The following XKR9 variants were observed in gnomAD, a reference collection of about 807,000 sequenced individuals.
XKR9 encodes XK-related protein 9.
A neutral mutation model predicts 32.0 loss-of-function variants in XKR9; 32 were observed. The ratio of observed to expected loss-of-function variants is 1.00; its 90% CI spans 0.76 to 1.34. The LOEUF (loss-of-function observed/expected upper bound fraction) is 1.34, where lower values mean the gene tolerates loss of function less well. XKR9 is among the 40% of genes most tolerant of loss of function. The pLI, the probability that XKR9 is intolerant of heterozygous loss-of-function variation, is 0.00. For synonymous variants in XKR9, 168 were observed against 143.4 expected (o/e 1.17, Z -1.22); for missense variants, 546 against 429.7 (o/e 1.27, Z -2.39).
At chr8:70,840,484 C>T in the XKR9 span, among the ~76,000 whole-genome samples, 2 of 152,012 alleles carry the variant, frequency 1.3e-5, no homozygotes, top group Non-Finnish European at 2.9e-5. Flanking sequence ...ATACTAAATC[C>T]TCAGATAAAG....
the XKR9 span, among the ~76,000 whole-genome samples, chr8:70,918,450 G>A: frequency 1.3e-5 from 2 of 152,136 alleles, no homozygotes; most frequent in Non-Finnish European, 2.9e-5. Context: ...CAGGGATTAA[G>A]GCCTAGGTAA....
At chr8:70,947,834 A>G in the XKR9 span, among the ~76,000 whole-genome samples, 2 of 152,220 alleles carry the variant, frequency 1.3e-5, no homozygotes, top group East Asian at 3.8e-4. Flanking sequence ...GGAAACTGTA[A>G]GGTATTTGAT....
the XKR9 span, among the ~76,000 whole-genome samples, chr8:71,028,067 A>G: frequency 2.6e-5 from 4 of 152,338 alleles, no homozygotes; most frequent in Admixed American, 2.0e-4. Flanking sequence ...AGCCATGGCA[A>G]CAGGCCAGGA....
the XKR9 span, among the ~76,000 whole-genome samples, chr8:70,960,119 C>T: frequency 6.6e-6 from 1 of 152,018 alleles, no homozygotes; most frequent in Non-Finnish European, 1.5e-5. Context: ...GTGGTGCATG[C>T]CTGTAATCCA....
intron 3 of XKR9, among the ~76,000 whole-genome samples, chr8:70,697,912 G>A (rs1365849511): frequency 6.6e-6 from 1 of 151,898 alleles, no homozygotes; most frequent in African/African-American, 2.4e-5. Flanking sequence ...TTTAGTCTTG[G>A]GAGGGTGTAT....
the XKR9 span, among the ~76,000 whole-genome samples, chr8:71,038,784 G>A: frequency 1.4e-5 from 2 of 140,200 alleles, no homozygotes; most frequent in Non-Finnish European, 3.1e-5. Flanking sequence ...ATGAACAGAT[G>A]TCCCTTTTTT....
At chr8:70,979,673 C>T in the XKR9 span, among the ~76,000 whole-genome samples, 1 of 152,164 alleles carries the variant, frequency 6.6e-6, no homozygotes, top group Non-Finnish European at 1.5e-5. Flanking sequence ...GTCAGTCAGC[C>T]CCTACTGGGA....
intron 2 of XKR9, chr8:70,780,904 C>CTTTTTTTTTTT (rs35318920): frequency 6.8e-6 from 1 of 147,758 alleles, no homozygotes. Context: ...CTTTTTTTTT[C>CTTTTTTTTTTT]TTTTTTTTTT....
the XKR9 span, among the ~76,000 whole-genome samples, chr8:70,985,535 C>T: frequency 0.022 from 3,344 of 152,240 alleles, 134 homozygotes; most frequent in African/African-American, 0.076. Context: ...ATAAACAAGG[C>T]TGAAATGGAC....
At chr8:70,828,922 C>G in the XKR9 span, among the ~76,000 whole-genome samples, 4 of 152,078 alleles carry the variant, frequency 2.6e-5, no homozygotes, top group Non-Finnish European at 2.9e-5. Flanking sequence ...CTGTTATTCT[C>G]CTAATAATTT....
chr8:70,888,251 C>T, the XKR9 span, among the ~76,000 whole-genome samples: 3 of 151,128 alleles, frequency 2.0e-5, no homozygotes, highest in South Asian at 4.2e-4. Context: ...TTTTTTTGAG[C>T]GATATCTATT....
the XKR9 span, among the ~76,000 whole-genome samples, chr8:70,849,021 G>A: frequency 7.2e-5 from 11 of 152,062 alleles, no homozygotes; most frequent in African/African-American, 2.7e-4. Flanking sequence ...ACACCCCACT[G>A]TCAATATTAG....
chr8:70,711,701 A>T (rs1805925436), intron 4 of XKR9, among the ~76,000 whole-genome samples: 5 of 107,854 alleles, frequency 4.6e-5, no homozygotes, highest in Admixed American at 4.5e-4. Context: ...GGGTGAGGAA[A>T]TTATTTGTAT....
chr8:70,686,800 T>C (rs1385396960), intron 3 of XKR9, among the ~76,000 whole-genome samples: 1 of 152,178 alleles, frequency 6.6e-6, no homozygotes, highest in Non-Finnish European at 1.5e-5. Context: ...TTGGCCTCTT[T>C]TAAAATTTTT....
chr8:70,811,477 A>C, the XKR9 span, among the ~76,000 whole-genome samples: 2,073 of 152,202 alleles, frequency 0.014, 21 homozygotes, highest in Non-Finnish European at 0.021. Context: ...ACAAAAAACC[A>C]TTCAAAAAAT....
the XKR9 span, among the ~76,000 whole-genome samples, chr8:70,850,717 C>G: frequency 2.6e-5 from 4 of 151,756 alleles, no homozygotes; most frequent in Non-Finnish European, 4.4e-5. Flanking sequence ...GCAGAAAAGG[C>G]AATAAAATTC....
chr8:70,700,992 G>A (rs184803699), intron 3 of XKR9, among the ~76,000 whole-genome samples: 5 of 152,232 alleles, frequency 3.3e-5, no homozygotes, highest in Non-Finnish European at 7.4e-5. Flanking sequence ...CTCCGAGCCA[G>A]GTGTGGGATA....
the XKR9 span, among the ~76,000 whole-genome samples, chr8:71,030,959 GCATTGATTTTATTCC>G: frequency 6.6e-6 from 1 of 152,032 alleles, no homozygotes; most frequent in Non-Finnish European, 1.5e-5. Context: ...CTATAAAATG[GCATTGATTTTATTCC>G]CATTGATAAT....
chr8:70,683,423 C>G, intron 3 of XKR9: 1 of 380,166 alleles, frequency 2.6e-6, no homozygotes, highest in Non-Finnish European at 5.1e-6. Flanking sequence ...TTATGTTTAC[C>G]CATATATTTA....
Sources: allele counts gnomAD v4.1 joint callset (sites outside exome capture counted in the v4.1 genomes callset), GRCh38; gene constraint gnomAD v4.1.1; transcripts MANE v1.5; gene names NCBI Gene and HGNC (gene_info 2026-07-23, HGNC 2026-07-21).